The following KCND3 variants were observed in gnomAD, a reference collection of about 807,000 sequenced individuals.
KCND3 encodes the protein A-type voltage-gated potassium channel KCND3.
Under a neutral mutation model 51.1 loss-of-function variants are expected in KCND3, and 9 were observed. That is an observed-to-expected ratio of 0.18 (90% CI 0.11 to 0.31). KCND3 has a LOEUF of 0.31. Ranked by LOEUF, KCND3 falls within the 10% of genes least tolerant of loss-of-function variation. The pLI is 1.00. For synonymous variants in KCND3, 349 were observed against 368.0 expected, an observed-to-expected ratio of 0.95 and a Z score of 0.59; for missense variants, 526 against 903.8, an observed-to-expected ratio of 0.58 and a Z score of 5.36.
In KCND3 at chr1:111,778,452, C is replaced by T. The variant is rs764928165; in HGVS notation, c.1502G>A (p.Arg501Gln). Residue 501 changes from arginine to glutamine, a missense_variant, in exon 6 of 8, where the codon CGA becomes CAA. By Grantham distance (43) the Arg-to-Gln change is conservative (BLOSUM62 1). This residue lies in a region of KCND3 where 266 missense variants were observed against 305.5 expected (regional missense o/e 0.87). Coordinates refer to ENST00000302127, the MANE Select transcript of KCND3 (RefSeq NM_001378969.1). ...YLVDDPLLSV[R>Q]TSTIKNHEFI... ...AAGTTATACCTTGATGGTGGAGGTT[C>T]GTACAGATAACAGGGGATCATCCAC... 35 of 1,613,720 alleles carry T rather than the reference C, an allele frequency of 2.2e-5. No homozygotes were observed. Among genetic ancestry groups the T allele is most frequent in the Non-Finnish European group, 2.3e-5 (27 of 1,179,792 alleles).
At chr1:111,907,908 C>A (rs547445794) in intron 2 of KCND3, among the ~76,000 whole-genome samples, 1 of 152,348 alleles carries the variant, frequency 6.6e-6, no homozygotes, top group South Asian at 2.1e-4. Context: ...TGCCTCTCTG[C>A]AGTGTCTCCA....
chr1:111,923,767 G>A (rs934522189), intron 2 of KCND3, among the ~76,000 whole-genome samples: 3 of 152,196 alleles, frequency 2.0e-5, no homozygotes, highest in Admixed American at 6.5e-5. Context: ...GAGGTGCAGC[G>A]CAGGGGCTTC....
intron 2 of KCND3, among the ~76,000 whole-genome samples, chr1:111,946,111 T>C (rs927418650): frequency 3.3e-5 from 5 of 152,242 alleles, no homozygotes; most frequent in African/African-American, 9.6e-5. Flanking sequence ...GTAGCTGTTA[T>C]TGGTAATAAA....
intron 2 of KCND3, among the ~76,000 whole-genome samples, chr1:111,908,353 C>T (rs1028220979): frequency 9.2e-5 from 14 of 152,198 alleles, no homozygotes; most frequent in African/African-American, 2.9e-4. Context: ...AAAATAACAG[C>T]AAACCCTTTT....
intron 2 of KCND3, among the ~76,000 whole-genome samples, chr1:111,847,784 A>G (rs1667625688): frequency 6.6e-6 from 1 of 152,184 alleles, no homozygotes; most frequent in South Asian, 2.1e-4. Context: ...AGAATGCTCC[A>G]GCTTCCCTCT....
intron 2 of KCND3, among the ~76,000 whole-genome samples, chr1:111,903,607 A>G (rs1670496875): frequency 6.6e-6 from 1 of 152,238 alleles, no homozygotes; most frequent in African/African-American, 2.4e-5. Context: ...AATGAGAATT[A>G]TCTTGCACTG....
At chr1:111,936,008 C>T (rs1231517767) in intron 2 of KCND3, among the ~76,000 whole-genome samples, 1 of 152,236 alleles carries the variant, frequency 6.6e-6, no homozygotes, top group Admixed American at 6.5e-5. Flanking sequence ...CAAACCTGCT[C>T]TGTATAATTC....
intron 6 of KCND3, among the ~76,000 whole-genome samples, chr1:111,777,679 T>C (rs1664190522): frequency 6.6e-6 from 1 of 152,108 alleles, no homozygotes; most frequent in Admixed American, 6.5e-5. Context: ...CTGTGGGAAG[T>C]GGGTATGCTA....
chr1:111,895,910 C>T (rs1180926947), intron 2 of KCND3, among the ~76,000 whole-genome samples: 1 of 152,230 alleles, frequency 6.6e-6, no homozygotes, highest in Non-Finnish European at 1.5e-5. Flanking sequence ...AGGATTTCTT[C>T]GAAGAAAGCT....
At chr1:111,795,044 C>T (rs1238909665) in intron 2 of KCND3, among the ~76,000 whole-genome samples, 4 of 152,204 alleles carry the variant, frequency 2.6e-5, no homozygotes, top group African/African-American at 9.6e-5. Context: ...GGGAGGAGAA[C>T]ACTTCAGAGG....
At chr1:111,832,884 C>G (rs1264214131) in intron 2 of KCND3, among the ~76,000 whole-genome samples, 1 of 152,194 alleles carries the variant, frequency 6.6e-6, no homozygotes, top group Non-Finnish European at 1.5e-5. Context: ...TCTCCAGGAG[C>G]CATCTCTCCT....
intron 2 of KCND3, among the ~76,000 whole-genome samples, chr1:111,846,568 A>G (rs532443211): frequency 2.2e-4 from 34 of 152,304 alleles, no homozygotes; most frequent in African/African-American, 7.7e-4. Context: ...TCAGCTTCCT[A>G]TGTACCCAGG....
At chr1:111,885,980 G>A (rs966139625) in intron 2 of KCND3, among the ~76,000 whole-genome samples, 3 of 152,062 alleles carry the variant, frequency 2.0e-5, no homozygotes, top group Non-Finnish European at 2.9e-5. Flanking sequence ...TGCATGTTTC[G>A]ATCGCTAGAC....
chr1:111,928,938 C>T (rs1200853081), intron 2 of KCND3, among the ~76,000 whole-genome samples: 1 of 152,232 alleles, frequency 6.6e-6, no homozygotes, highest in African/African-American at 2.4e-5. Flanking sequence ...GATGAGATAA[C>T]AAGCCTGTGA....
chr1:111,860,953 TG>T (rs1165817700), intron 2 of KCND3, among the ~76,000 whole-genome samples: 2 of 152,218 alleles, frequency 1.3e-5, no homozygotes, highest in Non-Finnish European at 2.9e-5. Flanking sequence ...GAAGTCCTCC[TG>T]TGTGTCCCAA....
chr1:111,850,496 A>G (rs1667764634), intron 2 of KCND3, among the ~76,000 whole-genome samples: 1 of 152,110 alleles, frequency 6.6e-6, no homozygotes, highest in Non-Finnish European at 1.5e-5. Flanking sequence ...TGTGAACAAT[A>G]TAGGGATATT....
intron 2 of KCND3, among the ~76,000 whole-genome samples, chr1:111,807,372 G>A (rs1665618205): frequency 1.3e-5 from 2 of 152,196 alleles, no homozygotes; most frequent in Non-Finnish European, 2.9e-5. Context: ...GTTGTCTGCA[G>A]TATTCAGTAC....
intron 2 of KCND3, among the ~76,000 whole-genome samples, chr1:111,960,271 C>G (rs59950456): frequency 6.6e-6 from 1 of 152,200 alleles, no homozygotes; most frequent in Non-Finnish European, 1.5e-5. Flanking sequence ...TCACAGCAGA[C>G]CCCATGTAAA....
chr1:111,871,985 C>G (rs1406034062), intron 2 of KCND3, among the ~76,000 whole-genome samples: 1 of 152,066 alleles, frequency 6.6e-6, no homozygotes, highest in Non-Finnish European at 1.5e-5. Flanking sequence ...ATGGTCAGTA[C>G]CGTCAAGAGC....
Sources: allele counts gnomAD v4.1 joint callset (sites outside exome capture counted in the v4.1 genomes callset), GRCh38; gene constraint gnomAD v4.1.1; regional missense constraint gnomAD v4.1.1; transcripts MANE v1.5; gene names NCBI Gene and HGNC (gene_info 2026-07-23, HGNC 2026-07-21).